PPP6R3: variants seen among roughly 807,000 people sequenced by gnomAD.
PPP6R3 encodes the protein protein phosphatase 6 regulatory subunit 3.
In PPP6R3, 38 loss-of-function variants were observed where a neutral mutation model predicts 110.7. The observed-to-expected ratio is 0.34, with a 90% CI of 0.26 to 0.45. The LOEUF is 0.45. PPP6R3 is among the 20% of genes least tolerant of loss of function. PPP6R3 has a pLI of 1.00. For missense variants in PPP6R3, 870 were observed against 1,062.4 expected (o/e 0.82, Z 2.52); for synonymous variants, 369 against 373.5 (o/e 0.99, Z 0.14).
At chr11:68,490,732 T>A (rs917899580) in intron 1 of PPP6R3, among the ~76,000 whole-genome samples, 9 of 152,122 alleles carry the variant, frequency 5.9e-5, no homozygotes, top group Admixed American at 5.2e-4. Flanking sequence ...TTTAGCCTAC[T>A]GATAGATCCA....
At chr11:68,493,384 AT>A (rs1242572871) in intron 1 of PPP6R3, among the ~76,000 whole-genome samples, 1 of 151,968 alleles carries the variant, frequency 6.6e-6, no homozygotes, top group Non-Finnish European at 1.5e-5. Context: ...TATTTCATAA[AT>A]TTTTAAAAAT....
chr11:68,514,453 T>C (rs1348978871), intron 1 of PPP6R3, among the ~76,000 whole-genome samples: 1 of 152,198 alleles, frequency 6.6e-6, no homozygotes, highest in African/African-American at 2.4e-5. Context: ...AGTCTACCCA[T>C]GTGACTGTCA....
At chr11:68,542,395 T>TTTTTG (rs1168931864) in intron 3 of PPP6R3, among the ~76,000 whole-genome samples, 1 of 108,958 alleles carries the variant, frequency 9.2e-6, no homozygotes, top group Admixed American at 9.3e-5. Flanking sequence ...TGCTGTTTTT[T>TTTTTG]TTTTTTTTTT....
At chr11:68,549,600 A>C (rs1363240042) in intron 5 of PPP6R3, among the ~76,000 whole-genome samples, 1 of 152,188 alleles carries the variant, frequency 6.6e-6, no homozygotes, top group East Asian at 1.9e-4. Flanking sequence ...ATCTTTTCCC[A>C]AAAGAGGTTG....
rs1269798553 is a variant in PPP6R3, at chr11:68,569,596, G to A, written c.1129-152G>A. ...AGAAAATGAAACTGTGGTTATGCAA[G>A]TACTAATGTGAACTCAGGTTCCTTT... is the stretch of plus-strand genomic sequence containing the variant. On this transcript the variant is annotated intron_variant, in intron 10 of 23. Transcript: ENST00000393800. 6 of 596,316 alleles carry A rather than the reference G, an allele frequency of 1.0e-5. No individual in the cohort carries two copies. The East Asian group carries it at 1.5e-4, about 15-fold the overall frequency. 36.9% of individuals were successfully genotyped at this position (596,316 alleles called of 1,614,324 possible).
chr11:68,479,781 C>T (rs1205411003), intron 1 of PPP6R3, among the ~76,000 whole-genome samples: 3 of 152,036 alleles, frequency 2.0e-5, no homozygotes, highest in African/African-American at 7.2e-5. Flanking sequence ...CTCTGTCACC[C>T]AGGCTGGAGT....
chr11:68,466,770 G>T (rs544864925), intron 1 of PPP6R3, among the ~76,000 whole-genome samples: 1 of 152,180 alleles, frequency 6.6e-6, no homozygotes, highest in Non-Finnish European at 1.5e-5. Context: ...CTGCCACCAC[G>T]CCCGGCTAAT....
At position 68,493,732 on chromosome 11, in the gene PPP6R3, C is replaced by T. The variant is rs146097035; in HGVS notation, c.-157-25769C>T. ...CCAGACCTCCCAAAGTACTGGATTA[C>T]AGGCGTGAGCCACTGCACCTGGCCA... On this transcript the variant is annotated intron_variant, in intron 1 of 23. Coordinates refer to ENST00000393800, the MANE Select transcript of PPP6R3 (RefSeq NM_001164161.2). Among the ~76,000 whole-genome samples, 672 of 151,364 alleles carry T rather than the reference C, an allele frequency of 4.4e-3. 7 individuals are homozygous for T. Among genetic ancestry groups the T allele is most frequent in the African/African-American group, 0.016 (659 of 41,306 alleles).
At chr11:68,479,722 T>C (rs1331608958) in intron 1 of PPP6R3, among the ~76,000 whole-genome samples, 6 of 152,110 alleles carry the variant, frequency 3.9e-5, no homozygotes. Flanking sequence ...TCTTATCCTT[T>C]CTCTGCCTGA....
intron 14 of PPP6R3, among the ~76,000 whole-genome samples, chr11:68,582,686 T>A (rs957259176): frequency 2.6e-5 from 4 of 152,256 alleles, no homozygotes; most frequent in African/African-American, 9.6e-5. Context: ...AGAAAGGGTT[T>A]CTGTGTTTCA....
intron 1 of PPP6R3, among the ~76,000 whole-genome samples, chr11:68,490,261 C>T (rs933235498): frequency 2.0e-5 from 3 of 152,166 alleles, no homozygotes; most frequent in Admixed American, 6.5e-5. Flanking sequence ...TCATTCTACT[C>T]TTTCCTGCTT....
At position 68,613,381 on chromosome 11, in the gene PPP6R3, A is replaced by T; in HGVS notation, c.*264A>T. ...AATAATGGGTAGCCTGTGAAATAAG[A>T]TCTTGCCACCCATGTAATAATAGTA... On this transcript the variant is annotated 3_prime_UTR_variant, in exon 24 of 24. Transcript: ENST00000393800. 8.4e-7 allele frequency: 1 copy of T among 1,186,800 alleles called. No homozygotes were observed. Among genetic ancestry groups the T allele is most frequent in the Non-Finnish European group, 1.0e-6 (1 of 958,360 alleles). 73.5% of individuals were successfully genotyped at this position (1,186,800 alleles called of 1,614,324 possible).
chr11:68,521,099 A>G (rs4084149), intron 2 of PPP6R3, among the ~76,000 whole-genome samples: 35,087 of 152,018 alleles, frequency 0.23, 4,294 homozygotes, highest in Middle Eastern at 0.32. Context: ...TGTTCTTTGT[A>G]TTTGAATTCA....
intron 1 of PPP6R3, among the ~76,000 whole-genome samples, chr11:68,516,458 C>G (rs551160488): frequency 6.6e-6 from 1 of 152,270 alleles, no homozygotes; most frequent in African/African-American, 2.4e-5. Context: ...GATTTGGGCC[C>G]TATCCCAAGA....
chr11:68,479,760 A>G (rs2098888972), intron 1 of PPP6R3, among the ~76,000 whole-genome samples: 1 of 150,396 alleles, frequency 6.6e-6, no homozygotes, highest in South Asian at 2.1e-4. Context: ...TTTTTTTGAG[A>G]CAGGTCCTTG....
At chr11:68,471,547 G>C (rs1165024786) in intron 1 of PPP6R3, among the ~76,000 whole-genome samples, 1 of 152,152 alleles carries the variant, frequency 6.6e-6, no homozygotes, top group Non-Finnish European at 1.5e-5. Context: ...CGACGATCTT[G>C]AGAGCTGTTC....
At chr11:68,496,563 C>T (rs1176981860) in intron 1 of PPP6R3, among the ~76,000 whole-genome samples, 1 of 152,012 alleles carries the variant, frequency 6.6e-6, no homozygotes, top group Non-Finnish European at 1.5e-5. Flanking sequence ...ACCTCTGCCA[C>T]CTGGGTTCAA....
chr11:68,504,724 A>G (rs1050020386), intron 1 of PPP6R3, among the ~76,000 whole-genome samples: 26 of 152,168 alleles, frequency 1.7e-4, no homozygotes, highest in African/African-American at 5.8e-4. Context: ...TTCTTGGTCA[A>G]GTTTTTGTTG....
chr11:68,613,155 C>T lies in PPP6R3; in HGVS notation c.*38C>T. 6.2e-7 allele frequency: 1 copy of T among 1,612,946 alleles called. No individual in the cohort carries two copies. Among genetic ancestry groups the T allele is most frequent in the East Asian group, 2.2e-5 (1 of 44,852 alleles). On this transcript the variant is annotated 3_prime_UTR_variant, in exon 24 of 24. Coordinates refer to ENST00000393800, the MANE Select transcript of PPP6R3 (RefSeq NM_001164161.2). ...GCTGCTGCTGACTGAGGACTGCAGA[C>T]CGCCACCACTCAGGGGCTCTGGAGG...
Sources: allele counts gnomAD v4.1 joint callset (sites outside exome capture counted in the v4.1 genomes callset), GRCh38; gene constraint gnomAD v4.1.1; transcripts MANE v1.5; gene names NCBI Gene and HGNC (gene_info 2026-07-23, HGNC 2026-07-21).